Variants in CDK13 observed in about 807,000 individuals in gnomAD.
The protein encoded by CDK13 is cyclin-dependent kinase 13.
A neutral mutation model predicts 137.6 loss-of-function variants in CDK13; 40 were observed. The ratio of observed to expected loss-of-function variants is 0.29; its 90% confidence interval spans 0.23 to 0.38. CDK13 has a LOEUF of 0.38. Among genes scored for constraint, CDK13 ranks in the 10% least tolerant of loss-of-function variants. CDK13 has a pLI of 1.00. For missense variants in CDK13, 1,704 were observed against 1,951.8 expected (o/e 0.87, Z 2.39); for synonymous variants, 869 against 760.1 (o/e 1.14, Z -2.36).
At chr7:40,003,887 T>TA (rs1214710163) in intron 5 of CDK13, among the ~76,000 whole-genome samples, 2 of 152,232 alleles carry the variant, frequency 1.3e-5, no homozygotes, top group Admixed American at 1.3e-4. Context: ...AATGTTGCTT[T>TA]ATTCATTAGT....
chr7:40,068,999 C>G (rs564698774), intron 9 of CDK13, among the ~76,000 whole-genome samples: 19 of 152,174 alleles, frequency 1.2e-4, no homozygotes, highest in African/African-American at 4.1e-4. Flanking sequence ...TTTGGAAGGC[C>G]AAGGCAGGTG....
At chr7:40,042,546 A>T (rs1785634762) in intron 5 of CDK13, among the ~76,000 whole-genome samples, 2 of 126,294 alleles carry the variant, frequency 1.6e-5, no homozygotes, top group Admixed American at 9.4e-5. Context: ...TGGCGCAATC[A>T]CAGCTAACTG....
intron 9 of CDK13, among the ~76,000 whole-genome samples, chr7:40,068,292 A>G (rs1786328004): frequency 6.6e-6 from 1 of 151,910 alleles, no homozygotes; most frequent in Non-Finnish European, 1.5e-5. Context: ...CAAAGTAATA[A>G]AGACTCTGAG....
At chr7:40,060,706 A>T (rs930883297) in intron 7 of CDK13, 1 of 152,242 alleles carries the variant, frequency 6.6e-6, no homozygotes, top group African/African-American at 2.4e-5. Flanking sequence ...ATGAATATGC[A>T]TCTTTTACTG....
At chr7:39,962,958 T>G (rs1006250221) in intron 1 of CDK13, among the ~76,000 whole-genome samples, 2 of 152,156 alleles carry the variant, frequency 1.3e-5, no homozygotes, top group Non-Finnish European at 2.9e-5. Flanking sequence ...ACTTCTGAGG[T>G]CTCTGTTCTG....
Position 40,095,271 on chromosome 7 carries a change from T to C in CDK13, c.*291T>C, listed in dbSNP as rs747541426. 1.4e-4 allele frequency: 29 copies of C among 204,664 alleles called. No individual in the cohort carries two copies. Among genetic ancestry groups the C allele is most frequent in the Admixed American group, 9.6e-4 (16 of 16,684 alleles). 12.7% of individuals were successfully genotyped at this position (204,664 alleles called of 1,614,324 possible). A position where few individuals can be genotyped will look rare whatever the true frequency, so the allele number is the denominator to read the frequency against. ...GCTAATTTTAGGGGCATAAGCCTTT[T>C]ATGGCCCTCTTGCAGATCTTCTGAA... is the stretch of plus-strand genomic sequence containing the variant. On this transcript the variant is annotated 3_prime_UTR_variant, in exon 14 of 14. Coordinates refer to ENST00000181839, the MANE Select transcript of CDK13 (RefSeq NM_003718.5).
chr7:40,023,070 G>A (rs1785160867), intron 5 of CDK13, among the ~76,000 whole-genome samples: 1 of 149,982 alleles, frequency 6.7e-6, no homozygotes, highest in African/African-American at 2.5e-5. Flanking sequence ...AGAAAGCAGA[G>A]TTCTAGTACA....
chr7:40,026,243 A>C (rs999339564), intron 5 of CDK13, among the ~76,000 whole-genome samples: 3 of 152,234 alleles, frequency 2.0e-5, no homozygotes, highest in Non-Finnish European at 4.4e-5. Flanking sequence ...ATGCAGTGGC[A>C]CATGCCTGTA....
chr7:39,967,120 C>T (rs1225637720), intron 1 of CDK13, among the ~76,000 whole-genome samples: 2 of 152,056 alleles, frequency 1.3e-5, no homozygotes, highest in African/African-American at 4.8e-5. Context: ...GCTGGGAGAA[C>T]CACAATTTAC....
intron 7 of CDK13, chr7:40,062,033 C>T (rs2150526299): frequency 6.6e-6 from 1 of 152,250 alleles, no homozygotes; most frequent in South Asian, 2.1e-4. Context: ...TTTTTCTATT[C>T]ACACACTACA....
intron 1 of CDK13, among the ~76,000 whole-genome samples, chr7:39,976,335 A>T (rs1289625096): frequency 1.0e-3 from 107 of 101,930 alleles, no homozygotes; most frequent in Middle Eastern, 4.8e-3. Context: ...ACACACACAC[A>T]CACACACACA....
rs56710188 is a variant in CDK13, at chr7:40,064,957, ATTTTTTTTTTTTTTTTTTTTTTTT to A, written c.2780+1868_2780+1891del. The stretch of plus-strand genomic sequence containing the variant: ...CAGGCATGCACCACCATGCTGGGTG[ATTTTTTTTTTTTTTTTTTTTTTTT>A]TTTTTTTTTTGGAGACCGGCTTTCT... On this transcript the variant is annotated intron_variant, in intron 9 of 13. Transcript: ENST00000181839. 5.1e-3 allele frequency among the ~76,000 whole-genome samples: 234 copies of A among 46,150 alleles called. 1 individual carries two copies. The highest frequency in any genetic ancestry group is 0.016 in the African/African-American group (215 of 13,186). The allele number at this position is 46,150 out of a possible 152,430, so 30.3% of individuals were successfully genotyped here.
At chr7:40,074,612 T>G (rs1359033585) in intron 9 of CDK13, among the ~76,000 whole-genome samples, 1 of 151,530 alleles carries the variant, frequency 6.6e-6, no homozygotes, top group African/African-American at 2.4e-5. Context: ...ATCCCAATAC[T>G]TTGATAGACT....
intron 10 of CDK13, 125 bp downstream of exon 10, chr7:40,078,246 T>C (rs1786589316): frequency 2.1e-6 from 1 of 474,934 alleles, no homozygotes; most frequent in South Asian, 4.5e-5. Context: ...GGGCATTTAA[T>C]TTTGAGTTCT....
Position 40,078,828 on chromosome 7 carries a change from A to G in CDK13, c.3006A>G (p.Glu1002=). ...AGTGCGAGTTCCTCCGAGATGTGGA[A>G]CCCTCAAAAATGCCTCCACCAGAGT... is the stretch of plus-strand genomic sequence containing the variant. The part of the protein sequence containing the change: ...ALQCEFLRDV[E]PSKMPPPDLP... The change falls in exon 11 of 14, where the codon GAA becomes GAG. Residue 1002 remains glutamate, a synonymous_variant. Transcript: ENST00000181839. The G allele has an allele frequency of 6.8e-7, 1 of 1,471,728 alleles. No homozygotes were observed. Among genetic ancestry groups the G allele is most frequent in the Non-Finnish European group, 9.1e-7 (1 of 1,102,338 alleles). 91.2% of individuals were successfully genotyped at this position (1,471,728 alleles called of 1,614,324 possible). A position where few individuals can be genotyped will look rare whatever the true frequency, so the allele number is the denominator to read the frequency against.
Position 40,019,267 on chromosome 7 carries a change from C to G in CDK13, c.2353+17236C>G, listed in dbSNP as rs139740606. ...TTAAGTCATTCCCTCTAAATATGTG[C>G]AGCTTATTATTGTCACTTAACACAT... On this transcript the variant is annotated intron_variant, in intron 5 of 13. Transcript: ENST00000181839. 5.9e-4 allele frequency among the ~76,000 whole-genome samples: 90 copies of G among 152,248 alleles called. No individual in the cohort carries two copies. In the East Asian group the frequency reaches 0.014, roughly 24 times the overall value.
At chr7:40,014,673 C>G (rs1784968281) in intron 5 of CDK13, among the ~76,000 whole-genome samples, 1 of 152,028 alleles carries the variant, frequency 6.6e-6, no homozygotes, top group African/African-American at 2.4e-5. Flanking sequence ...CGAGGCCAGT[C>G]TCGAACTCCT....
chr7:39,977,878 G>T (rs916616300), intron 1 of CDK13, among the ~76,000 whole-genome samples: 1 of 152,162 alleles, frequency 6.6e-6, no homozygotes, highest in Admixed American at 6.5e-5. Context: ...TTGAGATGTA[G>T]AATTGGTGGA....
intron 2 of CDK13, among the ~76,000 whole-genome samples, chr7:39,990,566 C>T (rs566537756): frequency 1.4e-4 from 22 of 152,152 alleles, no homozygotes; most frequent in African/African-American, 3.9e-4. Context: ...AATAAATGGG[C>T]GCTGAAGGGA....
Sources: allele counts gnomAD v4.1 joint callset (sites outside exome capture counted in the v4.1 genomes callset), GRCh38; gene constraint gnomAD v4.1.1; transcripts MANE v1.5; gene names NCBI Gene and HGNC (gene_info 2026-07-23, HGNC 2026-07-21).